The following PHF12 variants were observed in gnomAD, a reference collection of about 807,000 sequenced individuals.
PHF12 encodes PHD factor 1.
PHF12 carries 6 observed loss-of-function variants against 99.8 expected under a neutral mutation model. The observed-to-expected ratio is 0.06, with a 90% CI of 0.03 to 0.12. PHF12 has a LOEUF of 0.12. PHF12 is among the 10% of genes least tolerant of loss of function. The probability of loss-of-function intolerance (pLI) is 1.00; values close to 1 mark genes in which losing one functional copy is unlikely to be tolerated. For synonymous variants in PHF12, 480 were observed against 514.9 expected (o/e 0.93, Z 0.92); for missense variants, 954 against 1,300.1 (o/e 0.73, Z 4.09).
chr17:28,948,638 A>G (rs778515330), intron 2 of PHF12, among the ~76,000 whole-genome samples: 21 of 152,262 alleles, frequency 1.4e-4, no homozygotes, highest in Non-Finnish European at 2.6e-4. Context: ...CATCTGTCTA[A>G]TAAGTGTTCC....
Position 28,905,623 on chromosome 17 carries a change from A to G in PHF12, c.*560T>C, listed in dbSNP as rs2039859565. 6.5e-6 allele frequency: 1 copy of G among 152,688 alleles called. No individual in the cohort carries two copies. Among genetic ancestry groups the G allele is most frequent in the Non-Finnish European group, 1.5e-5 (1 of 68,080 alleles). The allele number at this position is 152,688 out of a possible 1,614,324, so 9.5% of individuals were successfully genotyped here. A position where few individuals can be genotyped will look rare whatever the true frequency, so the allele number is the denominator to read the frequency against. ...AAGAATTCATTTCTCATTTGTCCAT[A>G]ATACACAGTAGCTACCTGTAGTGCA... On this transcript the variant is annotated 3_prime_UTR_variant, in exon 15 of 15. Transcript: ENST00000332830.
chr17:28,934,600 TTTC>T (rs1448884566), intron 2 of PHF12, among the ~76,000 whole-genome samples: 1 of 151,140 alleles, frequency 6.6e-6, no homozygotes, highest in Non-Finnish European at 1.5e-5. Flanking sequence ...TCTTTCTTTT[TTTC>T]TTTTCTATTT....
chr17:28,907,445 C>A, intron 13 of PHF12, 145 bp downstream of exon 13: 2 of 747,228 alleles, frequency 2.7e-6, no homozygotes, highest in East Asian at 2.8e-5. Flanking sequence ...TCAAGACTCT[C>A]CTCCTCCAGG....
chr17:28,905,386 A>C lies in PHF12; in HGVS notation c.*797T>G, dbSNP rs1598111675. The C allele has an allele frequency of 6.5e-6, 1 of 152,708 alleles. No individual in the cohort carries two copies. The highest frequency in any genetic ancestry group is 6.5e-5 in the Admixed American group (1 of 15,284). 9.5% of individuals were successfully genotyped at this position (152,708 alleles called of 1,614,324 possible). A position where few individuals can be genotyped will look rare whatever the true frequency, so the allele number is the denominator to read the frequency against. ...GGGAACCAGGGGCAGGAGGAAGAGGAGAGAAGTGGCAAGAGAACAAAAAAA... is the reference window on the plus strand; with the variant it reads ...GGGAACCAGGGGCAGGAGGAAGAGGCGAGAAGTGGCAAGAGAACAAAAAAA... On this transcript the variant is annotated 3_prime_UTR_variant, in exon 15 of 15. Coordinates refer to ENST00000332830, the MANE Select transcript of PHF12 (RefSeq NM_001033561.2).
At chr17:28,928,706 C>T (rs1177447964) in intron 2 of PHF12, among the ~76,000 whole-genome samples, 2 of 151,806 alleles carry the variant, frequency 1.3e-5, no homozygotes, top group African/African-American at 4.8e-5. Context: ...CCTTTGAACT[C>T]GGGAGGCGGA....
At chr17:28,909,838 G>A (rs2039928318) in intron 11 of PHF12, 3 of 554,154 alleles carry the variant, frequency 5.4e-6, no homozygotes, top group South Asian at 2.2e-5. Flanking sequence ...TGATCCTCCC[G>A]CCTCAGCCTC....
Position 28,905,835 on chromosome 17 carries a change from G to A in PHF12, c.*348C>T, listed in dbSNP as rs556303866. The A allele has an allele frequency of 1.9e-5, 4 of 214,840 alleles. No individual in the cohort carries two copies. Among genetic ancestry groups the A allele is most frequent in the Admixed American group, 5.8e-5 (1 of 17,132 alleles). 13.3% of individuals were successfully genotyped at this position (214,840 alleles called of 1,614,324 possible). A position where few individuals can be genotyped will look rare whatever the true frequency, so the allele number is the denominator to read the frequency against. ...AACAAGTTTCTGATTATTTTACAAT[G>A]GTGGGCGAGGGGGAGGGAGCAGGAG... On this transcript the variant is annotated 3_prime_UTR_variant, in exon 15 of 15. Transcript: ENST00000332830.
At chr17:28,948,969 G>A (rs1363000695) in intron 2 of PHF12, among the ~76,000 whole-genome samples, 2 of 152,132 alleles carry the variant, frequency 1.3e-5, no homozygotes, top group Non-Finnish European at 2.9e-5. Context: ...ATTTCGGCCG[G>A]CAGAAGATGG....
chr17:28,948,532 G>A, intron 2 of PHF12, among the ~76,000 whole-genome samples: 1 of 152,202 alleles, frequency 6.6e-6, no homozygotes, highest in East Asian at 1.9e-4. Context: ...TTACAAGCTG[G>A]GATGGGGTGC....
rs998945757 is a variant in PHF12 at position 28,951,006 on chromosome 17, C to T, written c.-46G>A. On this transcript the variant is annotated 5_prime_UTR_variant, in exon 1 of 15. Transcript: ENST00000332830. Reference sequence around the variant, plus strand: ...GTGCTCTCTGCTCCGGCCCCCCCAACCCCGGGGGGAGGGGGGAGGTGAGGG... The same window carrying T: ...GTGCTCTCTGCTCCGGCCCCCCCAATCCCGGGGGGAGGGGGGAGGTGAGGG... 3.1e-6 allele frequency: 5 copies of T among 1,611,102 alleles called. No homozygotes were observed. Among genetic ancestry groups the T allele is most frequent in the Admixed American group, 3.3e-5 (2 of 59,746 alleles).
intron 6 of PHF12, 103 bp downstream of exon 6, chr17:28,919,040 A>G (rs2040110092): frequency 7.1e-7 from 1 of 1,416,830 alleles, no homozygotes; most frequent in East Asian, 2.4e-5. Flanking sequence ...ACCTATGACA[A>G]TGTGGTGAAC....
intron 2 of PHF12, among the ~76,000 whole-genome samples, chr17:28,933,258 G>A (rs1475391726): frequency 1.3e-5 from 2 of 152,214 alleles, no homozygotes; most frequent in Non-Finnish European, 2.9e-5. Flanking sequence ...ACATCAATGT[G>A]TTTCTTAAAC....
rs1432032865 is a variant in PHF12 at position 28,912,617 on chromosome 17, G to T, written c.1954C>A (p.Pro652Thr). The T allele has an allele frequency of 6.2e-7, 1 of 1,614,204 alleles. No homozygotes were observed. Among genetic ancestry groups the T allele is most frequent in the Non-Finnish European group, 8.5e-7 (1 of 1,180,040 alleles). ...QRKTVQSQIG[P>T]PLTDSRPLGS... ...AGTGGCCTTGAATCTGTCAACGGAG[G>T]TCCTATCTGTGATTGGACAGTCTTT... Residue 652 changes from proline (P) to threonine (T), a missense_variant, in exon 9 of 15, where the codon CCT (proline) becomes ACT (threonine). By Grantham distance (38) the Pro-to-Thr change is conservative. Coordinates refer to ENST00000332830, the MANE Select transcript of PHF12 (RefSeq NM_001033561.2).
intron 2 of PHF12, among the ~76,000 whole-genome samples, chr17:28,934,947 A>G (rs1434081651): frequency 6.6e-6 from 1 of 152,186 alleles, no homozygotes; most frequent in African/African-American, 2.4e-5. Flanking sequence ...AGTACTTGGG[A>G]TGGTGAGCTC....
Position 28,923,821 on chromosome 17 carries a change from A to G in PHF12, c.715+88T>C, listed in dbSNP as rs181791011. Reference sequence around the variant, plus strand: ...AGGAACCCAAGACAGTAGCTACATGAACAGTGACTCCACAGGCAGCACTGC... The same window carrying G: ...AGGAACCCAAGACAGTAGCTACATGGACAGTGACTCCACAGGCAGCACTGC... On this transcript the variant is annotated intron_variant, in intron 4 of 14. Coordinates refer to ENST00000332830, the MANE Select transcript of PHF12 (RefSeq NM_001033561.2). 2.4e-4 allele frequency: 351 copies of G among 1,446,078 alleles called. 1 individual carries two copies. Among genetic ancestry groups the G allele is most frequent in the Non-Finnish European group, 3.1e-4 (340 of 1,080,502 alleles). The allele number at this position is 1,446,078 out of a possible 1,614,324, so 89.6% of individuals were successfully genotyped here. A position where few individuals can be genotyped will look rare whatever the true frequency, so the allele number is the denominator to read the frequency against.
At chr17:28,924,466 A>T (rs934726294) in intron 3 of PHF12, 164 bp from the exon 4 acceptor site, 1 of 888,920 alleles carries the variant, frequency 1.1e-6, no homozygotes, top group African/African-American at 1.7e-5. Context: ...AAGTTGACAC[A>T]ACTCTAACTG....
rs1018629952 is a variant in PHF12 at position 28,907,090 on chromosome 17, C to T, written c.2542-96G>A. The stretch of plus-strand genomic sequence containing the variant: ...ATATGGAGAAGGCCGTGCTACTCTA[C>T]CTAGAGAGTCCTTACTTGCCTCCCC... On this transcript the variant is annotated intron_variant, in intron 13 of 14. Transcript: ENST00000332830. The T allele has an allele frequency of 7.3e-6, 10 of 1,372,218 alleles. No individual in the cohort carries two copies. The African/African-American group carries it at 1.2e-4, about 16-fold the overall frequency. The allele number at this position is 1,372,218 out of a possible 1,614,324, so 85.0% of individuals were successfully genotyped here.
Position 28,906,607 on chromosome 17 carries a change from C to A in PHF12, c.2681-90G>T. On this transcript the variant is annotated intron_variant, in intron 14 of 14. Coordinates refer to ENST00000332830, the MANE Select transcript of PHF12 (RefSeq NM_001033561.2). This position sits in a 1 kb window ranked among gnomAD's most constrained non-coding sequence, Gnocchi z 4.2. ...CCAAGGTTGGGCTCCTGCATCTCCCCATTCCAACTGCTGCATGACTAGGGA... is the reference window on the plus strand; with the variant it reads ...CCAAGGTTGGGCTCCTGCATCTCCCAATTCCAACTGCTGCATGACTAGGGA... 7.2e-7 allele frequency: 1 copy of A among 1,382,252 alleles called. No individual in the cohort carries two copies. Among genetic ancestry groups the A allele is most frequent in the Non-Finnish European group, 9.8e-7 (1 of 1,016,028 alleles). 85.6% of individuals were successfully genotyped at this position (1,382,252 alleles called of 1,614,324 possible).
Position 28,913,207 on chromosome 17 carries a change from T to C in PHF12, c.1364A>G (p.His455Arg), listed in dbSNP as rs2039999184. The change falls in exon 9 of 15, where the codon CAT becomes CGT. Residue 455 changes from histidine to arginine, a missense_variant. Around this residue, in one of 8 missense-constraint regions of PHF12, gnomAD observed 392 missense variants for 423.1 expected, o/e 0.93. Coordinates refer to ENST00000332830, the MANE Select transcript of PHF12 (RefSeq NM_001033561.2). ...KHLSAKQMPS[H>R]WDSEQTEKAD... is the part of the protein sequence containing the mutation. ...CTTCTCTGTCTGTTCAGAGTCCCAA[T>C]GCGAAGGCATCTGCTTAGCAGATAA... 1 of 1,614,134 alleles carries C rather than the reference T, an allele frequency of 6.2e-7. No homozygotes were observed. Among genetic ancestry groups the C allele is most frequent in the Non-Finnish European group, 8.5e-7 (1 of 1,180,014 alleles).
Sources: gnomAD v4.1 joint callset for allele counts (sites outside exome capture counted in the v4.1 genomes callset) on GRCh38, gnomAD v4.1.1 for gene constraint, gnomAD v4.1.1 regional missense constraint, Gnocchi (gnomAD v3.1) non-coding constraint, MANE v1.5 for transcripts, NCBI Gene and HGNC (gene_info 2026-07-23, HGNC 2026-07-21) for gene names.